The following GARNL3 variants were observed in gnomAD, a reference collection of about 807,000 sequenced individuals.
GARNL3 encodes GTPase-activating Rap/Ran-GAP domain-like protein 3.
In GARNL3, 63 loss-of-function variants were observed where a neutral mutation model predicts 125.0. That is an observed-to-expected ratio of 0.50 (90% CI 0.41 to 0.62). The LOEUF (loss-of-function observed/expected upper bound fraction) is 0.62. Among genes scored for constraint, GARNL3 ranks in the 20% least tolerant of loss-of-function variants. The pLI, the probability that GARNL3 is intolerant of heterozygous loss-of-function variation, is 0.00. For missense variants in GARNL3, 994 were observed against 1,244.0 expected, an observed-to-expected ratio of 0.80 and a Z score of 3.02; for synonymous variants, 439 against 457.5, an observed-to-expected ratio of 0.96 and a Z score of 0.52.
At chr9:127,247,263 C>T (rs781646106) in intron 2 of GARNL3, among the ~76,000 whole-genome samples, 7 of 152,140 alleles carry the variant, frequency 4.6e-5, no homozygotes, top group Non-Finnish European at 8.8e-5. Flanking sequence ...AGCCCAGTTA[C>T]GGGCTGGACT....
intron 22 of GARNL3, among the ~76,000 whole-genome samples, chr9:127,374,051 A>G (rs1189134101): frequency 2.6e-5 from 4 of 152,022 alleles, no homozygotes; most frequent in Admixed American, 6.6e-5. Flanking sequence ...CCTGTAATCC[A>G]GGCACTTTAG....
chr9:127,366,027 A>C (rs1221380345), intron 22 of GARNL3, among the ~76,000 whole-genome samples: 1 of 152,180 alleles, frequency 6.6e-6, no homozygotes, highest in African/African-American at 2.4e-5. Flanking sequence ...CTAATATTAT[A>C]ATACATTTTC....
intron 20 of GARNL3, among the ~76,000 whole-genome samples, chr9:127,355,682 T>C (rs1471301843): frequency 6.6e-6 from 1 of 152,150 alleles, no homozygotes; most frequent in Non-Finnish European, 1.5e-5. Flanking sequence ...CTGTTCTAGG[T>C]ACGAAGGACA....
intron 7 of GARNL3, 81 bp from the exon 8 acceptor site, chr9:127,332,193 T>G (rs1358174908): frequency 6.0e-6 from 6 of 999,776 alleles, no homozygotes; most frequent in Non-Finnish European, 9.5e-6. Flanking sequence ...GCCATTGTGC[T>G]AAGTCACGAA....
Position 127,387,444 on chromosome 9 carries a change from C to T in GARNL3, c.2527+113C>T, listed in dbSNP as rs1832601445. ...GTTTAAAGAAGTTACTATTTAAAGC[C>T]ATTAAAAAAAGAAACTAGCTGAGCG... is the stretch of plus-strand genomic sequence containing the variant. On this transcript the variant is annotated intron_variant, in intron 25 of 27. Coordinates refer to ENST00000373387, the MANE Select transcript of GARNL3 (RefSeq NM_032293.5). 2.7e-6 allele frequency: 3 copies of T among 1,116,912 alleles called. No homozygotes were observed. In the South Asian group the frequency reaches 5.0e-5, roughly 19 times the overall value. The allele number at this position is 1,116,912 out of a possible 1,614,324, so 69.2% of individuals were successfully genotyped here.
intron 2 of GARNL3, among the ~76,000 whole-genome samples, chr9:127,257,154 AGTTT>A (rs550860526): frequency 2.9e-4 from 44 of 152,166 alleles, no homozygotes; most frequent in Non-Finnish European, 5.3e-4. Context: ...GATGTACCAC[AGTTT>A]GTTTGAGTAT....
At chr9:127,254,330 C>A (rs1413954903) in intron 2 of GARNL3, among the ~76,000 whole-genome samples, 2 of 151,646 alleles carry the variant, frequency 1.3e-5, no homozygotes, top group Non-Finnish European at 2.9e-5. Flanking sequence ...AAAACAAAGA[C>A]CATAAAGGAA....
intron 2 of GARNL3, among the ~76,000 whole-genome samples, chr9:127,309,016 A>G (rs2065027582): frequency 6.6e-6 from 1 of 152,214 alleles, no homozygotes; most frequent in Non-Finnish European, 1.5e-5. Flanking sequence ...ATATAAATTT[A>G]AAATTATTTC....
At chr9:127,296,810 T>C (rs752039894) in intron 2 of GARNL3, among the ~76,000 whole-genome samples, 4 of 152,066 alleles carry the variant, frequency 2.6e-5, no homozygotes, top group Non-Finnish European at 4.4e-5. Context: ...CATGGATGAC[T>C]GCCTCAATCT....
intron 4 of GARNL3, among the ~76,000 whole-genome samples, chr9:127,317,099 G>A (rs771052485): frequency 2.6e-5 from 4 of 152,158 alleles, no homozygotes; most frequent in Non-Finnish European, 5.9e-5. Flanking sequence ...CTTCTTAGAC[G>A]ATTAGGAAGA....
chr9:127,380,582 C>A (rs1017797911), intron 22 of GARNL3, among the ~76,000 whole-genome samples: 1 of 152,158 alleles, frequency 6.6e-6, no homozygotes, highest in African/African-American at 2.4e-5. Context: ...GTAGGCTATT[C>A]ATACAGTGGA....
intron 15 of GARNL3, 44 bp from the exon 16 acceptor site, chr9:127,345,359 T>C: frequency 7.9e-7 from 1 of 1,265,344 alleles, no homozygotes; most frequent in East Asian, 2.4e-5. Flanking sequence ...CCTGCTGTAC[T>C]TTTGCCGCCT....
chr9:127,262,078 G>A (rs1316127068), upstream of GARNL3, among the ~76,000 whole-genome samples: 1 of 152,108 alleles, frequency 6.6e-6, no homozygotes, highest in Non-Finnish European at 1.5e-5. Context: ...ATCTAATATA[G>A]ATTTCTATCT....
intron 4 of GARNL3, among the ~76,000 whole-genome samples, chr9:127,314,779 A>G (rs2065192276): frequency 6.6e-6 from 1 of 152,212 alleles, no homozygotes; most frequent in South Asian, 2.1e-4. Context: ...ATGACATTAT[A>G]AGTTGTGATA....
rs139449559 is a variant in GARNL3 at position 127,385,121 on chromosome 9, G to A, written c.2364G>A (p.Pro788=). 425 of 1,605,950 alleles carry A rather than the reference G, an allele frequency of 2.6e-4. No homozygotes were observed. The highest frequency in any genetic ancestry group is 2.2e-3 in the African/African-American group (162 of 74,834). ...NGNLVHTAVV[P]QLQLVASRSD... ...ACCTGGTCCACACTGCAGTCGTGCCGCAGCTGCAGCTGGTGGCCTCCAGGG... is the reference window on the plus strand; with the variant it reads ...ACCTGGTCCACACTGCAGTCGTGCCACAGCTGCAGCTGGTGGCCTCCAGGG... Residue 788 remains proline, a synonymous_variant, in exon 24 of 28, where the codon CCG becomes CCA. Transcript: ENST00000373387. This position sits in a 1 kb window ranked among gnomAD's most constrained non-coding sequence, Gnocchi z 4.1.
chr9:127,358,011 G>A (rs10987610), intron 21 of GARNL3, among the ~76,000 whole-genome samples: 7,484 of 152,148 alleles, frequency 0.049, 530 homozygotes, highest in East Asian at 0.16. Flanking sequence ...CCATTAGGAG[G>A]GAGTGAGCAG....
Position 127,357,377 on chromosome 9 carries a change from G to T in GARNL3, c.2094G>T (p.Arg698Ser). Residue 698 changes from arginine (R) to serine (S), a missense_variant and splice_region_variant, in exon 21 of 28, where the codon AGG becomes AGT. Coordinates refer to ENST00000373387, the MANE Select transcript of GARNL3 (RefSeq NM_032293.5). ...AFRLHHVEAN[R>S]VNFVAAIDVY... ...GGCTGCACCACGTGGAGGCCAACAG[G>T]GTAAGCCAGCGGTTGTGGGGACAAG... 6.2e-7 allele frequency: 1 copy of T among 1,613,456 alleles called. No individual in the cohort carries two copies. Among genetic ancestry groups the T allele is most frequent in the South Asian group, 1.1e-5 (1 of 91,028 alleles).
At position 127,355,692 on chromosome 9, in the gene GARNL3, A is replaced by G. The variant is rs117102608; in HGVS notation, c.1935+220A>G. On this transcript the variant is annotated intron_variant, in intron 20 of 27. Transcript: ENST00000373387. ...GGGTGCTGTTCTAGGTACGAAGGAC[A>G]CAGCGATGACCAAAACAAAGTCTTC... 1.3e-3 allele frequency among the ~76,000 whole-genome samples: 197 copies of G among 152,364 alleles called. 2 individuals carry two copies. Among genetic ancestry groups the G allele is most frequent in the Non-Finnish European group, 1.7e-3 (113 of 68,030 alleles).
At chr9:127,331,304 C>G (rs1161479892) in intron 7 of GARNL3, among the ~76,000 whole-genome samples, 1 of 151,962 alleles carries the variant, frequency 6.6e-6, no homozygotes, top group Non-Finnish European at 1.5e-5. Flanking sequence ...GTCTGGCCAA[C>G]ATGGTGAAAC....
Sources: allele counts gnomAD v4.1 joint callset (sites outside exome capture counted in the v4.1 genomes callset), GRCh38; gene constraint gnomAD v4.1.1; non-coding constraint Gnocchi (gnomAD v3.1); transcripts MANE v1.5; gene names NCBI Gene and HGNC (gene_info 2026-07-23, HGNC 2026-07-21).